The following PDSS2 variants were observed in gnomAD, a reference collection of about 807,000 sequenced individuals.
PDSS2 encodes all trans-polyprenyl-diphosphate synthase PDSS2.
In PDSS2, 31 loss-of-function variants were observed where a neutral mutation model predicts 44.5. The observed-to-expected ratio is 0.70, with a 90% CI of 0.52 to 0.94. The LOEUF (loss-of-function observed/expected upper bound fraction) is 0.94. Among genes scored for constraint, PDSS2 ranks in the 40% least tolerant of loss-of-function variants. The pLI, the probability that PDSS2 is intolerant of heterozygous loss-of-function variation, is 0.00. For synonymous variants in PDSS2, 157 were observed against 180.3 expected (o/e 0.87, Z 1.03); for missense variants, 452 against 482.2 (o/e 0.94, Z 0.59).
rs151324620 is a variant in PDSS2, at chr6:107,459,130, T to C, written c.156A>G (p.Val52=). The C allele has an allele frequency of 9.9e-6, 16 of 1,614,002 alleles. No individual in the cohort carries two copies. The highest frequency in any genetic ancestry group is 1.3e-5 in the African/African-American group (1 of 74,912). ...SSKSPAHWNQ[V]VSEAEKIVGY... ...CCACGATCTTCTCCGCCTCTGACAC[T>C]ACCTGATTCCAGTGGGCCGGGGACT... Residue 52 remains valine (V), a synonymous_variant, in exon 1 of 8, where the codon GTA becomes GTG. Coordinates refer to ENST00000369037, the MANE Select transcript of PDSS2 (RefSeq NM_020381.4). The surrounding 1 kb of genome is among the most constrained non-coding windows in gnomAD (Gnocchi z 4.3).
intron 3 of PDSS2, among the ~76,000 whole-genome samples, chr6:107,268,952 T>C (rs1174384032): frequency 6.6e-6 from 1 of 151,930 alleles, no homozygotes; most frequent in East Asian, 1.9e-4. Context: ...ATTTTTTTTT[T>C]TTTCCATACG....
At chr6:107,300,492 C>T (rs984323952) in intron 2 of PDSS2, among the ~76,000 whole-genome samples, 4 of 152,164 alleles carry the variant, frequency 2.6e-5, no homozygotes, top group Non-Finnish European at 4.4e-5. Context: ...AGACCGCACC[C>T]ACCTCTAAAC....
At chr6:107,244,870 A>T (rs561109849) in intron 4 of PDSS2, among the ~76,000 whole-genome samples, 1 of 152,322 alleles carries the variant, frequency 6.6e-6, no homozygotes, top group South Asian at 2.1e-4. Context: ...TTATAATAGT[A>T]TCTACCATGT....
intron 1 of PDSS2, among the ~76,000 whole-genome samples, chr6:107,409,412 T>C (rs977406961): frequency 1.3e-5 from 2 of 152,140 alleles, no homozygotes; most frequent in Non-Finnish European, 2.9e-5. Context: ...TAGGGAAATA[T>C]TGCTGGAAAA....
In PDSS2 at chr6:107,196,661, C is replaced by CACCAA. The variant is rs1772572460; in HGVS notation, c.1009-2812_1009-2808dup. On this transcript the variant is annotated intron_variant, in intron 6 of 7. Transcript: ENST00000369037. ...ACAACTCCTAAAATCTTCAGAAACT[C>CACCAA]ACCAAGTGATGCCTTTTTGTATGTT... is the stretch of plus-strand genomic sequence containing the variant. Among the ~76,000 whole-genome samples the CACCAA allele has an allele frequency of 2.6e-5, 4 of 152,194 alleles. No homozygotes were observed. In the South Asian group the frequency reaches 8.3e-4, roughly 32 times the overall value.
chr6:107,188,298 G>C (rs1032541911), intron 7 of PDSS2, among the ~76,000 whole-genome samples: 40 of 152,006 alleles, frequency 2.6e-4, no homozygotes, highest in Middle Eastern at 6.8e-3. Flanking sequence ...AGAATCACTT[G>C]ACCCCAGGAA....
At chr6:107,167,588 C>A (rs2114345218) in intron 7 of PDSS2, among the ~76,000 whole-genome samples, 1 of 152,288 alleles carries the variant, frequency 6.6e-6, no homozygotes, top group Non-Finnish European at 1.5e-5. Flanking sequence ...AATTTGAGAT[C>A]TTTTCTGCTT....
At chr6:107,176,778 CA>C (rs1264756832) in intron 7 of PDSS2, among the ~76,000 whole-genome samples, 3 of 152,074 alleles carry the variant, frequency 2.0e-5, no homozygotes, top group South Asian at 4.1e-4. Context: ...GGTAGGGATA[CA>C]TTTATATGAT....
intron 4 of PDSS2, among the ~76,000 whole-genome samples, chr6:107,230,679 T>C (rs1438617338): frequency 3.2e-4 from 48 of 151,704 alleles, no homozygotes; most frequent in South Asian, 6.3e-4. Flanking sequence ...CAGGGCATGT[T>C]TTTCTCATAG....
At chr6:107,455,260 C>G (rs371441628) in intron 1 of PDSS2, among the ~76,000 whole-genome samples, 1 of 149,226 alleles carries the variant, frequency 6.7e-6, no homozygotes. Flanking sequence ...TTCTCCAAAC[C>G]CTCATCTGAT....
intron 2 of PDSS2, among the ~76,000 whole-genome samples, chr6:107,299,146 C>CAAA (rs71991148): frequency 0.26 from 13,876 of 53,104 alleles, 2,936 homozygotes; most frequent in East Asian, 0.38. Context: ...GACCCTGTCT[C>CAAA]AAAAAAAAAA....
rs184300943 is a variant in PDSS2 at position 107,276,404 on chromosome 6, G to A, written c.432-2177C>T. ...ATTCACTGTTGCATGTTGGATAGACGGTGGTGTGTGGTTGGGGGGAGGGTG... is the reference window on the plus strand; with the variant it reads ...ATTCACTGTTGCATGTTGGATAGACAGTGGTGTGTGGTTGGGGGGAGGGTG... On this transcript the variant is annotated intron_variant, in intron 2 of 7. Coordinates refer to ENST00000369037, the MANE Select transcript of PDSS2 (RefSeq NM_020381.4). Among the ~76,000 whole-genome samples, 18 of 152,256 alleles carry A rather than the reference G, an allele frequency of 1.2e-4. No homozygotes were observed. In the East Asian group the frequency reaches 2.7e-3, roughly 23 times the overall value.
chr6:107,231,522 C>T lies in PDSS2; in HGVS notation c.702+14026G>A, dbSNP rs78347244. On this transcript the variant is annotated intron_variant, in intron 4 of 7. Transcript: ENST00000369037. ...GCTCCTCCAGCTGGTCTCTCTGCTTCTAATTTCTTTGGCTTCCAATTTATC... is the reference window on the plus strand; with the variant it reads ...GCTCCTCCAGCTGGTCTCTCTGCTTTTAATTTCTTTGGCTTCCAATTTATC... Among the ~76,000 whole-genome samples the T allele has an allele frequency of 2.1e-3, 327 of 152,326 alleles. 9 individuals are homozygous for T. The East Asian group carries it at 0.058, about 27-fold the overall frequency.
At chr6:107,225,161 ATTTTTTTT>A (rs71012786) in intron 4 of PDSS2, among the ~76,000 whole-genome samples, 166 of 50,266 alleles carry the variant, frequency 3.3e-3, no homozygotes, top group South Asian at 7.9e-3. Context: ...ATATATATAT[ATTTTTTTT>A]TTTTTTTTTT....
At chr6:107,305,088 G>C (rs1381086947) in intron 2 of PDSS2, among the ~76,000 whole-genome samples, 1 of 152,006 alleles carries the variant, frequency 6.6e-6, no homozygotes, top group Non-Finnish European at 1.5e-5. Context: ...AAGTCTCATA[G>C]GTTTTAGATA....
chr6:107,346,505 TATA>T (rs1274053888), intron 1 of PDSS2, among the ~76,000 whole-genome samples: 2 of 152,252 alleles, frequency 1.3e-5, no homozygotes, highest in African/African-American at 2.4e-5. Context: ...TTGATTAGAA[TATA>T]ATAATCATGT....
At chr6:107,400,728 T>C (rs901588804) in intron 1 of PDSS2, among the ~76,000 whole-genome samples, 14 of 152,036 alleles carry the variant, frequency 9.2e-5, no homozygotes, top group Admixed American at 8.5e-4. Context: ...CTCCCTGGAG[T>C]GTTGCTCCAG....
At chr6:107,280,584 G>T (rs1775928178) in intron 2 of PDSS2, among the ~76,000 whole-genome samples, 1 of 152,018 alleles carries the variant, frequency 6.6e-6, no homozygotes, top group Admixed American at 6.6e-5. Flanking sequence ...CTAAGCTTCA[G>T]AAATCAGGGT....
In PDSS2 at chr6:107,429,895, AAAAAAAATATATATAT is replaced by A. The variant is rs1415675549; in HGVS notation, c.296+29079_296+29094del. Among the ~76,000 whole-genome samples the A allele has an allele frequency of 5.3e-3, 220 of 41,626 alleles. 22 individuals are homozygous for A. In the East Asian group the frequency reaches 0.085, roughly 16 times the overall value. 27.3% of individuals were successfully genotyped at this position (41,626 alleles called of 152,430 possible). ...GCAAAACTTAGTCTCAAAAAAAAAA[AAAAAAAATATATATAT>A]ATATATATATATATATATATATATA... On this transcript the variant is annotated intron_variant, in intron 1 of 7. Transcript: ENST00000369037.
Sources: gnomAD v4.1 joint callset for allele counts (sites outside exome capture counted in the v4.1 genomes callset) on GRCh38, gnomAD v4.1.1 for gene constraint, Gnocchi (gnomAD v3.1) non-coding constraint, MANE v1.5 for transcripts, NCBI Gene and HGNC (gene_info 2026-07-23, HGNC 2026-07-21) for gene names.